Variants in GAS7 observed in about 807,000 individuals in gnomAD.
GAS7 encodes the protein growth arrest specific 7.
GAS7 carries 28 observed loss-of-function variants against 71.1 expected under a neutral mutation model. The ratio of observed to expected loss-of-function variants is 0.39; its 90% CI spans 0.29 to 0.54. The LOEUF (loss-of-function observed/expected upper bound fraction) is 0.54, where lower values mean the gene tolerates loss of function less well. Among genes scored for constraint, GAS7 ranks in the 20% least tolerant of loss-of-function variants. GAS7 has a pLI of 0.62. For synonymous variants in GAS7, 258 were observed against 245.8 expected (o/e 1.05, Z -0.46); for missense variants, 436 against 627.8 (o/e 0.69, Z 3.27).
intron 2 of GAS7, among the ~76,000 whole-genome samples, chr17:9,999,466 C>T (rs1477566746): frequency 1.3e-5 from 2 of 151,566 alleles, no homozygotes; most frequent in African/African-American, 4.9e-5. Context: ...TGCAGTGAGC[C>T]GAGATTGTGC....
At chr17:10,165,291 CAAAAAA>C (rs71365731) in intron 1 of GAS7, among the ~76,000 whole-genome samples, 17 of 77,662 alleles carry the variant, frequency 2.2e-4, no homozygotes, top group Admixed American at 9.9e-4. Flanking sequence ...GATTCCTTCT[CAAAAAA>C]AAAAAAAAAA....
chr17:10,072,987 A>C (rs1375512267), intron 1 of GAS7, among the ~76,000 whole-genome samples: 1 of 152,244 alleles, frequency 6.6e-6, no homozygotes, highest in Admixed American at 6.5e-5. Context: ...AAAGTGGTCT[A>C]TGTCTAACCC....
chr17:9,928,115 AT>A lies in GAS7; in HGVS notation c.886-1347del, dbSNP rs540014843. 2.9e-3 allele frequency among the ~76,000 whole-genome samples: 419 copies of A among 144,690 alleles called. 1 individual carries two copies. Among genetic ancestry groups the A allele is most frequent in the African/African-American group, 9.1e-3 (336 of 36,902 alleles). The allele number at this position is 144,690 out of a possible 152,430, so 94.9% of individuals were successfully genotyped here. A position where few individuals can be genotyped will look rare whatever the true frequency, so the allele number is the denominator to read the frequency against. On this transcript the variant is annotated intron_variant, in intron 9 of 13. Transcript: ENST00000432992. The stretch of plus-strand genomic sequence containing the variant: ...CATAACATTTATTTATTTTTTATTT[AT>A]TTATTTATTTTTTTGAGACAGAGTC...
intron 1 of GAS7, among the ~76,000 whole-genome samples, chr17:10,075,447 T>C (rs1193986145): frequency 2.6e-5 from 4 of 151,912 alleles, no homozygotes; most frequent in Admixed American, 2.0e-4. Flanking sequence ...AATAAGACAA[T>C]GCCATTCACC....
intron 2 of GAS7, among the ~76,000 whole-genome samples, chr17:10,010,759 T>C (rs1193017303): frequency 6.6e-6 from 1 of 152,236 alleles, no homozygotes; most frequent in Non-Finnish European, 1.5e-5. Context: ...TGAAGTGTTA[T>C]ACATCTCTTG....
rs182102629 is a variant in GAS7, at chr17:9,914,336, A to G, written c.*2892T>C. On this transcript the variant is annotated 3_prime_UTR_variant, in exon 14 of 14. Transcript: ENST00000432992. ...CCGCCTCCCAGGTTCAAGCGATTCT[A>G]CTGCCTCAGCCTGCCGAATAGTTGG... is the stretch of plus-strand genomic sequence containing the variant. 149 of 184,430 alleles carry G rather than the reference A, an allele frequency of 8.1e-4. No individual in the cohort carries two copies. Among genetic ancestry groups the G allele is most frequent in the African/African-American group, 3.4e-3 (144 of 42,680 alleles). The allele number at this position is 184,430 out of a possible 1,614,324, so 11.4% of individuals were successfully genotyped here.
At chr17:9,920,137 T>C (rs2067751292) in intron 11 of GAS7, among the ~76,000 whole-genome samples, 1 of 150,232 alleles carries the variant, frequency 6.7e-6, no homozygotes, top group Non-Finnish European at 1.5e-5. Context: ...CACACACAAT[T>C]TGGTGCTAAG....
chr17:10,092,411 G>A (rs1035076852), intron 1 of GAS7, among the ~76,000 whole-genome samples: 29 of 152,230 alleles, frequency 1.9e-4, no homozygotes, highest in Non-Finnish European at 4.4e-5. Context: ...GACTGTGTTA[G>A]AAATGGCCAG....
At chr17:10,164,303 T>C (rs1156549142) in intron 1 of GAS7, among the ~76,000 whole-genome samples, 1 of 151,850 alleles carries the variant, frequency 6.6e-6, no homozygotes, top group Non-Finnish European at 1.5e-5. Flanking sequence ...TTAGCGGGGC[T>C]TGGTGGTGCG....
At position 9,981,324 on chromosome 17, in the gene GAS7, G is replaced by A. The variant is rs756820149; in HGVS notation, c.385+480C>T. On this transcript the variant is annotated intron_variant, in intron 3 of 13. Transcript: ENST00000432992. The surrounding 1 kb of genome is among the most constrained non-coding windows in gnomAD (Gnocchi z 4.4). ...AACAAACAAACAAACAAAAAAGAAC[G>A]TCCATCTCAACTGCCTCTGCTTGAT... Among the ~76,000 whole-genome samples, 49 of 151,918 alleles carry A rather than the reference G, an allele frequency of 3.2e-4. No homozygotes were observed. The highest frequency in any genetic ancestry group is 3.1e-4 in the Non-Finnish European group (21 of 67,996).
rs182585217 is a variant in GAS7 at position 9,946,003 on chromosome 17, A to C, written c.615+891T>G. On this transcript the variant is annotated intron_variant, in intron 6 of 13. Coordinates refer to ENST00000432992, the MANE Select transcript of GAS7 (RefSeq NM_201433.2). ...TCTGTCTCAAAAAATCCATTCTTGC[A>C]AAGTGGTGAAAACAAAGTTTTTACT... Among the ~76,000 whole-genome samples, 3 of 152,222 alleles carry C rather than the reference A, an allele frequency of 2.0e-5. No homozygotes were observed. The East Asian group carries it at 5.8e-4, about 29-fold the overall frequency.
At chr17:10,137,237 C>A (rs1421901352) in intron 1 of GAS7, among the ~76,000 whole-genome samples, 3 of 152,146 alleles carry the variant, frequency 2.0e-5, no homozygotes, top group African/African-American at 2.4e-5. Flanking sequence ...TTTCCTCTGC[C>A]TGGAACCTTC....
chr17:10,081,314 C>T (rs2073454419), intron 1 of GAS7, among the ~76,000 whole-genome samples: 1 of 150,160 alleles, frequency 6.7e-6, no homozygotes, highest in Admixed American at 6.8e-5. Context: ...GCCACCACAC[C>T]CAGCTAATTT....
rs1019032404 is a variant in GAS7 at position 9,911,655 on chromosome 17, T to C, written c.*5573A>G. On this transcript the variant is annotated 3_prime_UTR_variant, in exon 14 of 14. Transcript: ENST00000432992. The surrounding 1 kb of genome is among the most constrained non-coding windows in gnomAD (Gnocchi z 4.0). ...TCCAGGAAAGCCTCAACAAAAATACTCCTGAGGGGGAGACAAGAGTCCTCC... is the reference window on the plus strand; with the variant it reads ...TCCAGGAAAGCCTCAACAAAAATACCCCTGAGGGGGAGACAAGAGTCCTCC... 4.3e-6 allele frequency: 1 copy of C among 232,724 alleles called. No homozygotes were observed. Among genetic ancestry groups the C allele is most frequent in the East Asian group, 6.1e-5 (1 of 16,510 alleles). 14.4% of individuals were successfully genotyped at this position (232,724 alleles called of 1,614,324 possible). A position where few individuals can be genotyped will look rare whatever the true frequency, so the allele number is the denominator to read the frequency against.
At chr17:10,121,139 G>A (rs2073901381) in intron 1 of GAS7, among the ~76,000 whole-genome samples, 1 of 152,236 alleles carries the variant, frequency 6.6e-6, no homozygotes, top group Admixed American at 6.5e-5. Context: ...CCAGCACTTT[G>A]CGAGGCCGAG....
Position 9,976,297 on chromosome 17 carries a change from C to T in GAS7, c.385+5507G>A, listed in dbSNP as rs540250365. ...GCCTCAGCCAGCAAGAACACTGGTT[C>T]TAGGGGAACATGCACTTCTTCCAGC... is the stretch of plus-strand genomic sequence containing the variant. On this transcript the variant is annotated intron_variant, in intron 3 of 13. Coordinates refer to ENST00000432992, the MANE Select transcript of GAS7 (RefSeq NM_201433.2). Among the ~76,000 whole-genome samples, 23 of 152,354 alleles carry T rather than the reference C, an allele frequency of 1.5e-4. No homozygotes were observed. The South Asian group carries it at 4.8e-3, about 32-fold the overall frequency.
chr17:10,148,929 A>C (rs1403118272), intron 1 of GAS7, among the ~76,000 whole-genome samples: 8 of 150,492 alleles, frequency 5.3e-5, no homozygotes, highest in Non-Finnish European at 7.4e-5. Flanking sequence ...AAAAAAAAGA[A>C]TCCTCTCTTG....
At chr17:10,036,475 G>A in intron 1 of GAS7, 1 of 1,613,804 alleles carries the variant, frequency 6.2e-7, no homozygotes. Context: ...TGCTACCTCA[G>A]AGGAGAGTCT....
intron 6 of GAS7, among the ~76,000 whole-genome samples, chr17:9,944,242 G>T (rs921309763): frequency 6.6e-6 from 1 of 152,198 alleles, no homozygotes; most frequent in Non-Finnish European, 1.5e-5. Context: ...GGCCATCCCA[G>T]GCATGTCTAA....
Sources: gnomAD v4.1 joint callset for allele counts (sites outside exome capture counted in the v4.1 genomes callset) on GRCh38, gnomAD v4.1.1 for gene constraint, Gnocchi (gnomAD v3.1) non-coding constraint, MANE v1.5 for transcripts, NCBI Gene and HGNC (gene_info 2026-07-23, HGNC 2026-07-21) for gene names.